The following SMG9 variants were observed in gnomAD, a reference collection of about 807,000 sequenced individuals.
SMG9 encodes the protein nonsense-mediated mRNA decay factor SMG9.
SMG9 carries 55 observed loss-of-function variants against 64.0 expected under a neutral mutation model. That is an observed-to-expected ratio of 0.86 (90% CI 0.69 to 1.08). SMG9 has a LOEUF of 1.08. Ranked by LOEUF, SMG9 falls within the 50% of genes least tolerant of loss-of-function variation. The probability of loss-of-function intolerance (pLI) is 0.00; values close to 1 mark genes in which losing one functional copy is unlikely to be tolerated. For missense variants in SMG9, 554 were observed against 681.3 expected (o/e 0.81, Z 2.08); for synonymous variants, 244 against 254.8 (o/e 0.96, Z 0.41).
rs1968421828 is a variant in SMG9 at position 43,729,927 on chromosome 19, C to A, written c.*1669G>T. 2.0e-5 allele frequency: 3 copies of A among 152,316 alleles called. No individual in the cohort carries two copies. In the South Asian group the frequency reaches 6.2e-4, roughly 32 times the overall value. The allele number at this position is 152,316 out of a possible 1,614,324, so 9.4% of individuals were successfully genotyped here. A position where few individuals can be genotyped will look rare whatever the true frequency, so the allele number is the denominator to read the frequency against. ...ACAGTCGGTCAGGAAGTGGCTGTGC[C>A]AGAGCCTGTGCTGGGCCTCCTGTCT... On this transcript the variant is annotated 3_prime_UTR_variant, in exon 14 of 14. Coordinates refer to ENST00000270066, the MANE Select transcript of SMG9 (RefSeq NM_019108.4).
At chr19:43,733,809 A>C in intron 10 of SMG9, 76 bp from the exon 11 acceptor site, 1 of 982,930 alleles carries the variant, frequency 1.0e-6, no homozygotes, top group Non-Finnish European at 1.6e-6. Flanking sequence ...CACCCCAAAG[A>C]CCTGTTGTTA....
intron 6 of SMG9, among the ~76,000 whole-genome samples, chr19:43,741,665 GTTC>G (rs1290501327): frequency 6.6e-6 from 1 of 152,088 alleles, no homozygotes; most frequent in African/African-American, 2.4e-5. Flanking sequence ...AGGCTGCCAC[GTTC>G]TTCTACACAC....
rs756763328 is a variant in SMG9, at chr19:43,733,707, C to T, written c.1129G>A (p.Glu377Lys). The change falls in exon 11 of 14, where the codon GAG (glutamate) becomes AAG (lysine). Residue 377 changes from glutamate to lysine, a missense_variant. Transcript: ENST00000270066. ...LVFLQNKARR[E>K]DFCPRKLRQM... ...CGCAGCTTCCGAGGACAGAAGTCCT[C>T]TCGGCGAGCTTTGTTCTGCAAGAAG... 3.7e-6 allele frequency: 6 copies of T among 1,614,032 alleles called. No individual in the cohort carries two copies. The highest frequency in any genetic ancestry group is 5.1e-6 in the Non-Finnish European group (6 of 1,180,028).
chr19:43,740,719 T>C (rs1343197733), intron 6 of SMG9, among the ~76,000 whole-genome samples: 1 of 152,038 alleles, frequency 6.6e-6, no homozygotes, highest in African/African-American at 2.4e-5. Flanking sequence ...TCCCAGGCAT[T>C]GGAGAGAGAG....
At chr19:43,732,723 T>C (rs776580161) in intron 13 of SMG9, 135 bp downstream of exon 13, 18 of 1,036,582 alleles carry the variant, frequency 1.7e-5, no homozygotes, top group South Asian at 2.9e-5. Flanking sequence ...GTAGCAATCA[T>C]CACTGTTCCA....
intron 6 of SMG9, among the ~76,000 whole-genome samples, chr19:43,741,687 C>T (rs1196276774): frequency 1.3e-5 from 2 of 152,192 alleles, no homozygotes; most frequent in Non-Finnish European, 2.9e-5. Context: ...ACACTATGGG[C>T]AAGCTCCCAC....
At chr19:43,736,116 C>CCTCA (rs2146366946) in intron 9 of SMG9, among the ~76,000 whole-genome samples, 1 of 152,306 alleles carries the variant, frequency 6.6e-6, no homozygotes, top group Non-Finnish European at 1.5e-5. Flanking sequence ...TTGGCCAGAC[C>CCTCA]CTCAGCTCAT....
intron 5 of SMG9, among the ~76,000 whole-genome samples, chr19:43,745,777 G>A (rs911808809): frequency 4.6e-5 from 7 of 152,108 alleles, no homozygotes; most frequent in South Asian, 4.1e-4. Context: ...CGAGGCAGGC[G>A]GATCACCTGA....
intron 8 of SMG9, 134 bp from the exon 9 acceptor site, chr19:43,737,816 G>C: frequency 1.3e-6 from 1 of 798,092 alleles, no homozygotes; most frequent in South Asian, 1.8e-5. Context: ...GCCCAGCACT[G>C]TGATGGCACT....
At chr19:43,750,830 T>C in intron 1 of SMG9, 83 bp from the exon 2 acceptor site, 1 of 1,296,512 alleles carries the variant, frequency 7.7e-7, no homozygotes, top group Non-Finnish European at 1.0e-6. Flanking sequence ...CGAAGTCCCT[T>C]CTTTCTTTTT....
chr19:43,732,413 G>A (rs535054466), intron 13 of SMG9: 50 of 176,072 alleles, frequency 2.8e-4, no homozygotes, highest in South Asian at 6.6e-4. Flanking sequence ...AAATGCAGAA[G>A]TGTGAAGAAT....
At chr19:43,746,625 C>G (rs1208065789) in intron 5 of SMG9, among the ~76,000 whole-genome samples, 1 of 136,532 alleles carries the variant, frequency 7.3e-6, no homozygotes, top group Non-Finnish European at 1.6e-5. Flanking sequence ...CTGGGACAAT[C>G]TGAGCAGGGG....
intron 9 of SMG9, chr19:43,734,879 A>G: frequency 6.0e-6 from 1 of 167,728 alleles, no homozygotes. Context: ...AGCTGCACTG[A>G]CACATCATTA....
At chr19:43,742,552 C>T (rs1968875921) in intron 6 of SMG9, among the ~76,000 whole-genome samples, 1 of 152,208 alleles carries the variant, frequency 6.6e-6, no homozygotes, top group African/African-American at 2.4e-5. Flanking sequence ...ATTTTGTTTA[C>T]TATCTTCCCT....
At position 43,731,683 on chromosome 19, in the gene SMG9, A is replaced by C. The variant is rs778059898; in HGVS notation, c.1485-9T>G. On this transcript the variant is annotated splice_polypyrimidine_tract_variant and intron_variant, in intron 13 of 13. Coordinates refer to ENST00000270066, the MANE Select transcript of SMG9 (RefSeq NM_019108.4). ...GGGCAGCGTAGTGGAACCTGTGAGGAGGCCAACAGTCAGGGCTGCCTGGCC... is the reference window on the plus strand; with the variant it reads ...GGGCAGCGTAGTGGAACCTGTGAGGCGGCCAACAGTCAGGGCTGCCTGGCC... The C allele has an allele frequency of 8.1e-6, 13 of 1,614,076 alleles. No homozygotes were observed. Among genetic ancestry groups the C allele is most frequent in the East Asian group, 6.7e-5 (3 of 44,884 alleles).
chr19:43,737,905 A>C, intron 8 of SMG9: 2 of 649,478 alleles, frequency 3.1e-6, no homozygotes, highest in East Asian at 2.7e-5. Context: ...TGAGGCGTCA[A>C]AGGGGAGGGG....
rs944913291 is a variant in SMG9, at chr19:43,728,275, G to C, written c.*3321C>G. The stretch of plus-strand genomic sequence containing the variant: ...GCCCCTTGGTACTGTCCTCACAATA[G>C]TGAATCTGTTGTAAGAGCTCGTGGT... On this transcript the variant is annotated 3_prime_UTR_variant, in exon 14 of 14. Transcript: ENST00000270066. 6.6e-6 allele frequency: 1 copy of C among 152,272 alleles called. No homozygotes were observed. Among genetic ancestry groups the C allele is most frequent in the Non-Finnish European group, 1.5e-5 (1 of 68,120 alleles). 9.4% of individuals were successfully genotyped at this position (152,272 alleles called of 1,614,324 possible).
chr19:43,734,407 CG>C lies in SMG9; in HGVS notation c.1083del (p.Glu362SerfsTer6). 3.2e-6 allele frequency: 5 copies of C among 1,555,890 alleles called. No individual in the cohort carries two copies. Among genetic ancestry groups the C allele is most frequent in the Non-Finnish European group, 4.4e-6 (5 of 1,149,014 alleles). On this transcript the variant is annotated frameshift_variant, in exon 10 of 14. Transcript: ENST00000270066. LOFTEE classifies it high-confidence loss of function. The part of the protein sequence containing the change: ...SSSSSGSDEG[T>X]EYYPHLVFLQ... ...CTCTCACCTAGGTGGGGGTAGTACT[CG>C]GTGCCTTCATCGGAGCCCGATGAGC... is the stretch of plus-strand genomic sequence containing the variant.
At chr19:43,749,391 A>G (rs1450419378) in intron 2 of SMG9, among the ~76,000 whole-genome samples, 1 of 152,192 alleles carries the variant, frequency 6.6e-6, no homozygotes, top group Non-Finnish European at 1.5e-5. Context: ...TGGGTGTGAC[A>G]AGAGGCTGCC....
Sources: gnomAD v4.1 joint callset for allele counts (sites outside exome capture counted in the v4.1 genomes callset) on GRCh38, gnomAD v4.1.1 for gene constraint, MANE v1.5 for transcripts, NCBI Gene and HGNC (gene_info 2026-07-23, HGNC 2026-07-21) for gene names.